The following GAS7 variants were observed in gnomAD, a reference collection of about 807,000 sequenced individuals.
GAS7 encodes the protein growth arrest-specific protein 7.
In GAS7, 28 loss-of-function variants were observed where a neutral mutation model predicts 71.1. That is an observed-to-expected ratio of 0.39 (90% CI 0.29 to 0.54). GAS7 has a LOEUF of 0.54. Among genes scored for constraint, GAS7 ranks in the 20% least tolerant of loss-of-function variants. GAS7 has a pLI of 0.62. For synonymous variants in GAS7, 258 were observed against 245.8 expected, an observed-to-expected ratio of 1.05 and a Z score of -0.46; for missense variants, 436 against 627.8, an observed-to-expected ratio of 0.69 and a Z score of 3.27.
At chr17:10,185,385 T>C (rs2074444678) in intron 1 of GAS7, among the ~76,000 whole-genome samples, 1 of 152,204 alleles carries the variant, frequency 6.6e-6, no homozygotes. Context: ...CACTAGAGCA[T>C]GCAGAAATAT....
chr17:9,979,861 T>C (rs1325325425), intron 3 of GAS7, among the ~76,000 whole-genome samples: 4 of 134,784 alleles, frequency 3.0e-5, no homozygotes, highest in African/African-American at 1.1e-4. Context: ...TTTGATTGTT[T>C]TAAAAAAAAA....
At chr17:10,160,739 A>G (rs976222895) in intron 1 of GAS7, among the ~76,000 whole-genome samples, 3 of 152,172 alleles carry the variant, frequency 2.0e-5, no homozygotes, top group Non-Finnish European at 4.4e-5. Flanking sequence ...GGGTCTCACT[A>G]TGTTGCCTAG....
rs189562858 is a variant in GAS7 at position 10,118,442 on chromosome 17, G to A, written c.183+79766C>T. Among the ~76,000 whole-genome samples the A allele has an allele frequency of 1.2e-3, 183 of 152,252 alleles. 7 individuals are homozygous for A. The South Asian group carries it at 0.02, about 17-fold the overall frequency. ...AAAGCCCTCGTGGGCTGGGCGCAGT[G>A]GCTCACGCCTGTAATCCCAACACTT... On this transcript the variant is annotated intron_variant, in intron 1 of 13. Transcript: ENST00000432992.
At chr17:9,950,719 G>C (rs140485221) in intron 5 of GAS7, among the ~76,000 whole-genome samples, 2,452 of 152,184 alleles carry the variant, frequency 0.016, 76 homozygotes, top group African/African-American at 0.056. Flanking sequence ...AGCCGGGCAT[G>C]GTGGTGGGCG....
intron 1 of GAS7, chr17:10,036,293 C>G: frequency 1.3e-6 from 1 of 772,166 alleles, no homozygotes; most frequent in Non-Finnish European, 2.3e-6. Flanking sequence ...CACAGGGTCC[C>G]CAGACCACCA....
At chr17:10,151,335 G>C (rs761018571) in intron 1 of GAS7, among the ~76,000 whole-genome samples, 29 of 147,408 alleles carry the variant, frequency 2.0e-4, no homozygotes, top group Non-Finnish European at 9.0e-5. Context: ...TTTTGTTTTT[G>C]TTTTTTTTTT....
intron 1 of GAS7, among the ~76,000 whole-genome samples, chr17:10,162,029 T>G (rs770340666): frequency 1.2e-3 from 160 of 134,752 alleles, no homozygotes; most frequent in Non-Finnish European, 1.8e-3. Context: ...ATTGTGCCAC[T>G]GCACTCCAGC....
At position 10,197,640 on chromosome 17, in the gene GAS7, G is replaced by A. The variant is rs573536690; in HGVS notation, c.183+568C>T. Reference sequence around the variant, plus strand: ...AGCAGGCAGTGGCGGGGGGTGCTACGGCACCCCAGGATCAAGCCTGCTGAG... The same window carrying A: ...AGCAGGCAGTGGCGGGGGGTGCTACAGCACCCCAGGATCAAGCCTGCTGAG... On this transcript the variant is annotated intron_variant, in intron 1 of 13. Transcript: ENST00000432992. Among the ~76,000 whole-genome samples the A allele has an allele frequency of 3.8e-4, 57 of 151,512 alleles. No homozygotes were observed. In the East Asian group the frequency reaches 7.1e-3, roughly 19 times the overall value.
chr17:10,101,841 T>C (rs184959782), intron 1 of GAS7, among the ~76,000 whole-genome samples: 14 of 152,322 alleles, frequency 9.2e-5, no homozygotes, highest in Admixed American at 7.2e-4. Context: ...CTAAGTTGGC[T>C]TCTCAGTTTT....
At chr17:10,008,763 T>C (rs2071635499) in intron 2 of GAS7, among the ~76,000 whole-genome samples, 1 of 151,942 alleles carries the variant, frequency 6.6e-6, no homozygotes, top group Non-Finnish European at 1.5e-5. Flanking sequence ...TAAATTAGGC[T>C]GGCGCTCTCT....
intron 1 of GAS7, among the ~76,000 whole-genome samples, chr17:10,021,968 A>T (rs188270801): frequency 3.9e-5 from 6 of 152,182 alleles, no homozygotes; most frequent in African/African-American, 1.4e-4. Context: ...ATTAAAACTG[A>T]GGGTTAGGGC....
intron 1 of GAS7, among the ~76,000 whole-genome samples, chr17:10,135,354 G>C (rs988145436): frequency 1.3e-5 from 2 of 152,116 alleles, no homozygotes; most frequent in South Asian, 2.1e-4. Flanking sequence ...ATTTGGCTGG[G>C]TGTCCAAGGC....
At chr17:10,024,519 G>C (rs1239676609) in intron 1 of GAS7, among the ~76,000 whole-genome samples, 2 of 152,174 alleles carry the variant, frequency 1.3e-5, no homozygotes, top group Non-Finnish European at 2.9e-5. Context: ...AGAGGTAGCA[G>C]GATTTGGGGT....
At chr17:10,116,140 A>G (rs756450168) in intron 1 of GAS7, among the ~76,000 whole-genome samples, 157 of 152,090 alleles carry the variant, frequency 1.0e-3, no homozygotes, top group Non-Finnish European at 1.7e-3. Context: ...GCCAAACCCC[A>G]TCTCTACTAA....
rs76644908 is a variant in GAS7, at chr17:9,995,126, C to G, written c.305-13242G>C. Reference sequence around the variant, plus strand: ...CTGCCCTAGGGAGCTAACAGGCTGGCTGGAAGAAGAATCTCTTTCTGCCTC... The same window carrying G: ...CTGCCCTAGGGAGCTAACAGGCTGGGTGGAAGAAGAATCTCTTTCTGCCTC... On this transcript the variant is annotated intron_variant, in intron 2 of 13. Coordinates refer to ENST00000432992, the MANE Select transcript of GAS7 (RefSeq NM_201433.2). 5.7e-3 allele frequency among the ~76,000 whole-genome samples: 863 copies of G among 152,306 alleles called. 15 individuals carry two copies. Among genetic ancestry groups the G allele is most frequent in the East Asian group, 0.044 (229 of 5,180 alleles).
At chr17:10,095,523 T>C (rs561078313) in intron 1 of GAS7, among the ~76,000 whole-genome samples, 41 of 152,230 alleles carry the variant, frequency 2.7e-4, no homozygotes, top group Non-Finnish European at 5.6e-4. Flanking sequence ...TGATGACAAA[T>C]GTGTAAGTTT....
At chr17:10,106,780 GC>G (rs3076189) in intron 1 of GAS7, among the ~76,000 whole-genome samples, 12,888 of 151,636 alleles carry the variant, frequency 0.085, 649 homozygotes, top group South Asian at 0.18. Flanking sequence ...GCTTGAAAGT[GC>G]CCCCCCCCCC....
chr17:10,165,593 T>C (rs1309987450), intron 1 of GAS7, among the ~76,000 whole-genome samples: 1 of 152,208 alleles, frequency 6.6e-6, no homozygotes, highest in East Asian at 1.9e-4. Context: ...GCCAAGAGTG[T>C]CTTTAAAAAG....
At chr17:10,019,689 G>C (rs2072183873) in intron 2 of GAS7, 88 bp downstream of exon 2, 13 of 1,302,524 alleles carry the variant, frequency 1.0e-5, no homozygotes, top group Non-Finnish European at 1.4e-5. Flanking sequence ...CCCAAACAGA[G>C]AGGCGAAGAA....
Sources: allele counts gnomAD v4.1 joint callset (sites outside exome capture counted in the v4.1 genomes callset), GRCh38; gene constraint gnomAD v4.1.1; transcripts MANE v1.5; gene names NCBI Gene and HGNC (gene_info 2026-07-23, HGNC 2026-07-21).